The following TAMM41 variants were observed in gnomAD, a reference collection of about 807,000 sequenced individuals.
TAMM41 encodes the protein TAM41 mitochondrial translocator assembly and maintenance homolog.
In TAMM41, 36 loss-of-function variants were observed where a neutral mutation model predicts 44.1. The observed-to-expected ratio is 0.82, with a 90% CI of 0.63 to 1.08. TAMM41 has a LOEUF of 1.08. TAMM41 is among the 50% of genes least tolerant of loss of function. The pLI is 0.00. For synonymous variants in TAMM41, 164 were observed against 153.1 expected (o/e 1.07, Z -0.53); for missense variants, 417 against 404.3 (o/e 1.03, Z -0.27).
intron 6 of TAMM41, chr3:11,808,479 T>C (rs1448978428): frequency 3.0e-6 from 3 of 985,812 alleles, no homozygotes; most frequent in Non-Finnish European, 3.6e-6. Context: ...AGGAGGAGAG[T>C]GGGCGTGGAG....
the TAMM41 span, among the ~76,000 whole-genome samples, chr3:11,774,361 T>C: frequency 3.9e-5 from 6 of 152,130 alleles, no homozygotes; most frequent in African/African-American, 1.4e-4. Flanking sequence ...ACCTGGAAAG[T>C]TCTCCATCAA....
the TAMM41 span, among the ~76,000 whole-genome samples, chr3:11,778,652 A>T: frequency 3.3e-5 from 5 of 151,960 alleles, no homozygotes; most frequent in Non-Finnish European, 7.4e-5. Context: ...TGGAAAAAAC[A>T]TCGGAAAATG....
intron 7 of TAMM41, among the ~76,000 whole-genome samples, chr3:11,796,428 T>C (rs1480707572): frequency 6.6e-6 from 1 of 152,162 alleles, no homozygotes; most frequent in Non-Finnish European, 1.5e-5. Context: ...CCCAAAACCC[T>C]ATCCTCTGAC....
intron 7 of TAMM41, among the ~76,000 whole-genome samples, chr3:11,800,362 C>G (rs1242905635): frequency 1.3e-5 from 2 of 151,908 alleles, no homozygotes; most frequent in South Asian, 4.2e-4. Flanking sequence ...TTAAAAGATA[C>G]AGACTGGCAG....
chr3:11,745,584 CAAATACTG>C, the TAMM41 span, among the ~76,000 whole-genome samples: 1 of 152,076 alleles, frequency 6.6e-6, no homozygotes, highest in Non-Finnish European at 1.5e-5. Context: ...ACAAAAAAAC[CAAATACTG>C]TATATTTCCA....
chr3:11,823,826 C>T (rs1237644896), intron 4 of TAMM41, among the ~76,000 whole-genome samples: 13 of 92,700 alleles, frequency 1.4e-4, no homozygotes, highest in Middle Eastern at 6.9e-3. Flanking sequence ...CCACCATGCC[C>T]GGCTTTTTTT....
downstream of TAMM41, among the ~76,000 whole-genome samples, chr3:11,786,926 T>C (rs2077421264): frequency 6.6e-6 from 1 of 152,212 alleles, no homozygotes; most frequent in Non-Finnish European, 1.5e-5. Context: ...ATGATCATTT[T>C]CTTATTCTCC....
chr3:11,821,070 T>C (rs1284559833), intron 4 of TAMM41, among the ~76,000 whole-genome samples: 1 of 152,178 alleles, frequency 6.6e-6, no homozygotes, highest in East Asian at 1.9e-4. Context: ...TTAATCACAC[T>C]AACCTTACAA....
In TAMM41 at chr3:11,836,045, G is replaced by A. The variant is rs144873151; in HGVS notation, c.411+3177C>T. On this transcript the variant is annotated intron_variant, in intron 3 of 7. Transcript: ENST00000455809. ...CGCTGCGTCACCTAGGCTGGAGTGC[G>A]GAGTGCAATGGCACGATCTTGGCTC... Among the ~76,000 whole-genome samples, 700 of 147,966 alleles carry A rather than the reference G, an allele frequency of 4.7e-3. 2 individuals carry two copies. Among genetic ancestry groups the A allele is most frequent in the African/African-American group, 0.013 (508 of 39,972 alleles).
At chr3:11,754,199 TGCG>T in the TAMM41 span, among the ~76,000 whole-genome samples, 2 of 151,990 alleles carry the variant, frequency 1.3e-5, no homozygotes, top group African/African-American at 4.8e-5. Flanking sequence ...CCTCAAAACT[TGCG>T]CAAAGCCACC....
chr3:11,752,201 GGTCTTGCTGACTTCAAGA>G, the TAMM41 span, among the ~76,000 whole-genome samples: 1 of 152,034 alleles, frequency 6.6e-6, no homozygotes, highest in Non-Finnish European at 1.5e-5. Flanking sequence ...GTGGGTTCGT[GGTCTTGCTGACTTCAAGA>G]ATGAAGCCAT....
the TAMM41 span, among the ~76,000 whole-genome samples, chr3:11,729,492 A>G: frequency 7.7e-6 from 1 of 130,112 alleles, no homozygotes; most frequent in East Asian, 2.4e-4. Context: ...TTGCCCTGTT[A>G]CCCTGTCTTT....
At chr3:11,839,068 A>G (rs1322825557) in intron 3 of TAMM41, among the ~76,000 whole-genome samples, 154 bp downstream of exon 3, 1 of 152,218 alleles carries the variant, frequency 6.6e-6, no homozygotes, top group Non-Finnish European at 1.5e-5. Context: ...GAATATGTGG[A>G]TATTATTTGG....
intron 4 of TAMM41, among the ~76,000 whole-genome samples, chr3:11,825,454 G>C (rs1457757114): frequency 6.6e-6 from 1 of 152,126 alleles, no homozygotes; most frequent in Non-Finnish European, 1.5e-5. Context: ...GTTTCAGATG[G>C]CTTCATCACC....
intron 4 of TAMM41, among the ~76,000 whole-genome samples, chr3:11,826,171 A>G (rs1478647235): frequency 6.6e-6 from 1 of 152,188 alleles, no homozygotes; most frequent in African/African-American, 2.4e-5. Flanking sequence ...AACCCATCTG[A>G]CCAACAATAA....
chr3:11,727,324 A>G, the TAMM41 span, among the ~76,000 whole-genome samples: 2 of 152,180 alleles, frequency 1.3e-5, no homozygotes, highest in African/African-American at 4.8e-5. Context: ...AATTGCATCC[A>G]GCATCCCCTG....
chr3:11,722,267 T>TA, the TAMM41 span, among the ~76,000 whole-genome samples: 1 of 152,158 alleles, frequency 6.6e-6, no homozygotes, highest in East Asian at 1.9e-4. Context: ...CTCTTTGCCT[T>TA]ACATCAGCAT....
At chr3:11,752,482 G>A in the TAMM41 span, among the ~76,000 whole-genome samples, 32 of 152,082 alleles carry the variant, frequency 2.1e-4, no homozygotes, top group African/African-American at 6.3e-4. Context: ...GCCACTGAGC[G>A]CTGATTGGTG....
the TAMM41 span, among the ~76,000 whole-genome samples, chr3:11,766,370 G>C: frequency 1.3e-5 from 2 of 152,022 alleles, no homozygotes; most frequent in Non-Finnish European, 2.9e-5. Flanking sequence ...GTCTTGCTAT[G>C]TTGCCCAGGC....
Sources: allele counts gnomAD v4.1 joint callset (sites outside exome capture counted in the v4.1 genomes callset), GRCh38; gene constraint gnomAD v4.1.1; transcripts MANE v1.5; gene names NCBI Gene and HGNC (gene_info 2026-07-23, HGNC 2026-07-21).